Variants in PIK3C2G observed in about 807,000 individuals in gnomAD.
PIK3C2G encodes the protein phosphatidylinositol 3-kinase C2 domain-containing subunit gamma.
In PIK3C2G, 168 loss-of-function variants were observed where a neutral mutation model predicts 181.1. That is an observed-to-expected ratio of 0.93 (90% CI 0.82 to 1.05). The LOEUF (loss-of-function observed/expected upper bound fraction) is 1.05, where lower values mean the gene tolerates loss of function less well. Among genes scored for constraint, PIK3C2G ranks in the 50% least tolerant of loss-of-function variants. PIK3C2G has a pLI of 0.00. For missense variants in PIK3C2G, 1,869 were observed against 1,732.8 expected (o/e 1.08, Z -1.40); for synonymous variants, 573 against 592.2 (o/e 0.97, Z 0.47).
intron 22 of PIK3C2G, among the ~76,000 whole-genome samples, chr12:18,501,812 T>C (rs1941507876): frequency 6.6e-6 from 1 of 152,150 alleles, no homozygotes; most frequent in Admixed American, 6.5e-5. Context: ...ATCAACGTAG[T>C]TGGAAAAGCA....
At chr12:18,442,139 T>C (rs1946777915) in intron 18 of PIK3C2G, among the ~76,000 whole-genome samples, 1 of 152,162 alleles carries the variant, frequency 6.6e-6, no homozygotes, top group Non-Finnish European at 1.5e-5. Flanking sequence ...TAATATACAA[T>C]ATGTTTTTGC....
chr12:18,442,094 G>A (rs1264858784), intron 18 of PIK3C2G, among the ~76,000 whole-genome samples: 5 of 152,076 alleles, frequency 3.3e-5, no homozygotes, highest in Admixed American at 3.3e-4. Flanking sequence ...TTTATGATCT[G>A]CACTATAGTA....
At chr12:18,332,576 A>G (rs1014872027) in intron 8 of PIK3C2G, among the ~76,000 whole-genome samples, 2 of 152,128 alleles carry the variant, frequency 1.3e-5, no homozygotes, top group Admixed American at 6.6e-5. Context: ...CTTGGACCCA[A>G]GACAACTTTC....
intron 1 of PIK3C2G, among the ~76,000 whole-genome samples, chr12:18,264,538 TTCA>T (rs1445754041): frequency 1.3e-5 from 2 of 152,206 alleles, no homozygotes; most frequent in Non-Finnish European, 2.9e-5. Context: ...GCTTATATTC[TTCA>T]TATTTCCACC....
chr12:18,597,641 T>C (rs1947447599), intron 30 of PIK3C2G, among the ~76,000 whole-genome samples: 3 of 152,264 alleles, frequency 2.0e-5, no homozygotes, highest in African/African-American at 2.4e-5. Context: ...TTGGAAGTTC[T>C]GGCCAGGGCA....
chr12:18,307,994 T>C (rs1329745857), intron 5 of PIK3C2G, among the ~76,000 whole-genome samples: 1 of 151,954 alleles, frequency 6.6e-6, no homozygotes, highest in African/African-American at 2.4e-5. Flanking sequence ...TTATTTAATA[T>C]GACAAGTCTT....
Position 18,293,820 on chromosome 12 carries a change from T to C in PIK3C2G, c.920-81T>C, listed in dbSNP as rs1445232223. The C allele has an allele frequency of 5.8e-6, 4 of 694,782 alleles. No individual in the cohort carries two copies. The African/African-American group carries it at 7.2e-5, about 12-fold the overall frequency. 43.0% of individuals were successfully genotyped at this position (694,782 alleles called of 1,614,324 possible). Reference sequence around the variant, plus strand: ...GTTACAATCCTTCATAATGTGTTGGTCATATTTTGTGCTCAAAAACTTTTC... The same window carrying C: ...GTTACAATCCTTCATAATGTGTTGGCCATATTTTGTGCTCAAAAACTTTTC... On this transcript the variant is annotated intron_variant, in intron 4 of 32. Coordinates refer to ENST00000538779, the MANE Select transcript of PIK3C2G (RefSeq NM_001288772.2).
At chr12:18,268,598 T>A (rs1449331862) in intron 1 of PIK3C2G, among the ~76,000 whole-genome samples, 1 of 152,192 alleles carries the variant, frequency 6.6e-6, no homozygotes, top group Non-Finnish European at 1.5e-5. Context: ...GATTTTTAGA[T>A]GAATTCCCAC....
intron 29 of PIK3C2G, among the ~76,000 whole-genome samples, chr12:18,572,435 A>C (rs1042391902): frequency 6.7e-6 from 1 of 149,588 alleles, no homozygotes; most frequent in Middle Eastern, 3.2e-3. Context: ...ATAAAGCTTT[A>C]TATAGGTAGC....
chr12:18,725,584 TC>T, the PIK3C2G span, among the ~76,000 whole-genome samples: 1 of 152,096 alleles, frequency 6.6e-6, no homozygotes, highest in African/African-American at 2.4e-5. Context: ...CTTAAAGTTC[TC>T]ACTGTACCTC....
At position 18,282,565 on chromosome 12, in the gene PIK3C2G, A is replaced by G. The variant is rs762601548; in HGVS notation, c.484A>G (p.Asn162Asp). 6.2e-7 allele frequency: 1 copy of G among 1,612,080 alleles called. No individual in the cohort carries two copies. Among genetic ancestry groups the G allele is most frequent in the Non-Finnish European group, 8.5e-7 (1 of 1,178,638 alleles). ...AATTAATCTAGAGAAAGAATTAGAA[A>G]ATGAAAATCATAACTACCATATAGG... ...DKINLEKELENENHNYHIGFE... is the reference protein window; with the variant it reads ...DKINLEKELEDENHNYHIGFE... The change falls in exon 2 of 33, where the codon AAT becomes GAT. Residue 162 changes from asparagine to aspartate, a missense_variant. Physicochemically the swap from Asn to Asp is conservative, Grantham distance 23. Coordinates refer to ENST00000538779, the MANE Select transcript of PIK3C2G (RefSeq NM_001288772.2).
intron 24 of PIK3C2G, among the ~76,000 whole-genome samples, chr12:18,507,569 C>T (rs1941915117): frequency 6.6e-6 from 1 of 152,148 alleles, no homozygotes; most frequent in Non-Finnish European, 1.5e-5. Context: ...GGACAAATGT[C>T]AATTAACATA....
chr12:18,612,271 C>A (rs566420943), intron 31 of PIK3C2G, among the ~76,000 whole-genome samples: 1 of 152,044 alleles, frequency 6.6e-6, no homozygotes, highest in Admixed American at 6.6e-5. Flanking sequence ...TCACATGTCC[C>A]GAATGCTTGT....
chr12:18,647,908 A>G lies in PIK3C2G; in HGVS notation c.4341A>G (p.Gly1447=). The G allele has an allele frequency of 6.3e-7, 1 of 1,590,458 alleles. No individual in the cohort carries two copies. Among genetic ancestry groups the G allele is most frequent in the Non-Finnish European group, 8.6e-7 (1 of 1,166,144 alleles). ...VVYDEVTELQ[G]HVLMLIVKSK... ...ATGATGAAGTCACAGAGCTCCAAGGACATGTCTTAATGCTTATTGTGAAGA... is the reference window on the plus strand; with the variant it reads ...ATGATGAAGTCACAGAGCTCCAAGGGCATGTCTTAATGCTTATTGTGAAGA... The change falls in exon 33 of 33, where the codon GGA becomes GGG. Residue 1447 remains glycine, a synonymous_variant. Transcript: ENST00000538779.
rs959439166 is a variant in PIK3C2G, at chr12:18,363,391, G to T, written c.1748+505G>T. Among the ~76,000 whole-genome samples the T allele has an allele frequency of 2.6e-5, 4 of 152,042 alleles. No individual in the cohort carries two copies. In the South Asian group the frequency reaches 6.2e-4, roughly 24 times the overall value. On this transcript the variant is annotated intron_variant, in intron 12 of 32. Coordinates refer to ENST00000538779, the MANE Select transcript of PIK3C2G (RefSeq NM_001288772.2). ...GGCTCCCACTTCCTTCTTCTGTAAAGATTTGTTAAGTCAAGAAGATAAAGT... is the reference window on the plus strand; with the variant it reads ...GGCTCCCACTTCCTTCTTCTGTAAATATTTGTTAAGTCAAGAAGATAAAGT...
At chr12:18,539,995 CACAA>C (rs530439481) in intron 25 of PIK3C2G, among the ~76,000 whole-genome samples, 2 of 151,384 alleles carry the variant, frequency 1.3e-5, no homozygotes, top group South Asian at 2.1e-4. Context: ...GTGTCTGTAC[CACAA>C]ACAAACAAAC....
At chr12:18,477,359 C>T (rs1183273902) in intron 18 of PIK3C2G, among the ~76,000 whole-genome samples, 2 of 152,086 alleles carry the variant, frequency 1.3e-5, no homozygotes, top group Non-Finnish European at 2.9e-5. Flanking sequence ...TGTTAAACTG[C>T]TTGTACAGTT....
Position 18,628,022 on chromosome 12 carries a change from A to G in PIK3C2G, c.4183-12407A>G, listed in dbSNP as rs553689569. Among the ~76,000 whole-genome samples the G allele has an allele frequency of 2.0e-5, 3 of 152,330 alleles. No individual in the cohort carries two copies. In the South Asian group the frequency reaches 6.2e-4, roughly 32 times the overall value. On this transcript the variant is annotated intron_variant, in intron 31 of 32. Transcript: ENST00000538779. ...TCTGATATTTTTAAACCACGTCTGTATCTTCATCACATTCCTGGTAAAACT... is the reference window on the plus strand; with the variant it reads ...TCTGATATTTTTAAACCACGTCTGTGTCTTCATCACATTCCTGGTAAAACT...
chr12:18,673,592 A>T, the PIK3C2G span, among the ~76,000 whole-genome samples: 1 of 152,192 alleles, frequency 6.6e-6, no homozygotes, highest in Non-Finnish European at 1.5e-5. Flanking sequence ...TATGTAACAA[A>T]TTACTCCAAA....
Sources: gnomAD v4.1 joint callset for allele counts (sites outside exome capture counted in the v4.1 genomes callset) on GRCh38, gnomAD v4.1.1 for gene constraint, MANE v1.5 for transcripts, NCBI Gene and HGNC (gene_info 2026-07-23, HGNC 2026-07-21) for gene names.